DPP6: variants seen among roughly 807,000 people sequenced by gnomAD.
DPP6 encodes dipeptidyl peptidase like 6, also known as A-type potassium channel modulatory protein DPP6.
DPP6 carries 69 observed loss-of-function variants against 122.6 expected under a neutral mutation model. The ratio of observed to expected loss-of-function variants is 0.56; its 90% CI spans 0.46 to 0.69. The LOEUF (loss-of-function observed/expected upper bound fraction) is 0.69. DPP6 is among the 30% of genes least tolerant of loss of function. The pLI, the probability that DPP6 is intolerant of heterozygous loss-of-function variation, is 0.00. For synonymous variants in DPP6, 418 were observed against 433.1 expected (o/e 0.97, Z 0.43); for missense variants, 928 against 1,116.9 (o/e 0.83, Z 2.41).
chr7:153,804,797 T>C, the DPP6 span, among the ~76,000 whole-genome samples: 1 of 151,934 alleles, frequency 6.6e-6, no homozygotes, highest in Admixed American at 6.6e-5. Context: ...GGCAGGAGAA[T>C]TGCTTGAACC....
chr7:154,462,089 T>C (rs888962427), intron 2 of DPP6, among the ~76,000 whole-genome samples: 3 of 152,174 alleles, frequency 2.0e-5, no homozygotes, highest in African/African-American at 7.2e-5. Context: ...GGATATCCAG[T>C]TTTCCCTTCA....
intron 3 of DPP6, among the ~76,000 whole-genome samples, chr7:154,507,191 CAG>C (rs2129723777): frequency 6.6e-6 from 1 of 152,130 alleles, no homozygotes; most frequent in South Asian, 2.1e-4. Flanking sequence ...TGTGGAATGA[CAG>C]AGAAGTTTTG....
chr7:154,098,409 G>A (rs1367952156), intron 1 of DPP6, among the ~76,000 whole-genome samples: 2 of 152,122 alleles, frequency 1.3e-5, no homozygotes, highest in African/African-American at 2.4e-5. Context: ...TGTGAGAATG[G>A]ACTAATACAG....
At chr7:154,452,137 C>T (rs899514581) in intron 2 of DPP6, among the ~76,000 whole-genome samples, 1 of 152,214 alleles carries the variant, frequency 6.6e-6, no homozygotes, top group African/African-American at 2.4e-5. Flanking sequence ...CGGCTAGGAG[C>T]TGAGAACTCC....
At chr7:154,025,222 A>G (rs2129053156) in intron 1 of DPP6, among the ~76,000 whole-genome samples, 1 of 149,900 alleles carries the variant, frequency 6.7e-6, no homozygotes, top group Middle Eastern at 3.4e-3. Flanking sequence ...TGAGAGGTGG[A>G]GTCAGTTCAG....
In DPP6 at chr7:154,893,278, G is replaced by A. The variant is rs1260211707; in HGVS notation, c.*798G>A. On this transcript the variant is annotated 3_prime_UTR_variant, in exon 26 of 26. Transcript: ENST00000377770. The stretch of plus-strand genomic sequence containing the variant: ...CGTCTTGGGGACGTTCCTAAACACT[G>A]AGGGGGAAGACAGCCAATAGCACCC... 4 of 247,342 alleles carry A rather than the reference G, an allele frequency of 1.6e-5. No homozygotes were observed. The highest frequency in any genetic ancestry group is 3.2e-5 in the Non-Finnish European group (4 of 124,498). 15.3% of individuals were successfully genotyped at this position (247,342 alleles called of 1,614,324 possible).
At chr7:153,770,883 TA>T in the DPP6 span, among the ~76,000 whole-genome samples, 1 of 152,064 alleles carries the variant, frequency 6.6e-6, no homozygotes, top group African/African-American at 2.4e-5. Context: ...TTAATAAATA[TA>T]AAGATGGATT....
intron 7 of DPP6, among the ~76,000 whole-genome samples, chr7:154,697,263 T>C (rs1242969789): frequency 6.6e-6 from 1 of 152,174 alleles, no homozygotes; most frequent in Admixed American, 6.5e-5. Context: ...GCAGCCTCCC[T>C]TTAAGGAGGC....
intron 1 of DPP6, among the ~76,000 whole-genome samples, chr7:154,297,069 TTTTTTTTG>T (rs1805585735): frequency 7.2e-6 from 1 of 138,126 alleles, no homozygotes; most frequent in Non-Finnish European, 1.5e-5. Flanking sequence ...TTCTGTTTTT[TTTTTTTTG>T]TTTTGTTTTT....
rs766432300 is a variant in DPP6, at chr7:154,872,634, G to A, written c.1824G>A (p.Met608Ile). The A allele has an allele frequency of 6.2e-7, 1 of 1,601,370 alleles. No individual in the cohort carries two copies. Among genetic ancestry groups the A allele is most frequent in the Non-Finnish European group, 8.5e-7 (1 of 1,174,192 alleles). ...DIEIDDYNLP[M>I]QILKPATFTD... Reference sequence around the variant, plus strand: ...TCTGCTTCTCCCCAGACCTGCCCATGCAGATACTGAAGCCAGCAACCTTCA... The same window carrying A: ...TCTGCTTCTCCCCAGACCTGCCCATACAGATACTGAAGCCAGCAACCTTCA... The change falls in exon 19 of 26, where the codon ATG becomes ATA. Residue 608 changes from methionine to isoleucine, a missense_variant. Physicochemically the swap from Met to Ile is conservative, Grantham distance 10 (BLOSUM62 1). Transcript: ENST00000377770.
intron 18 of DPP6, among the ~76,000 whole-genome samples, chr7:154,870,830 G>C (rs941981362): frequency 6.6e-6 from 1 of 152,010 alleles, no homozygotes; most frequent in African/African-American, 2.4e-5. Context: ...GGGTGTGGTG[G>C]TGCACACTTG....
At chr7:154,561,172 C>T (rs1830401636) in intron 4 of DPP6, among the ~76,000 whole-genome samples, 1 of 152,170 alleles carries the variant, frequency 6.6e-6, no homozygotes. Context: ...TCCCAACAAT[C>T]CTCTCTGAGT....
intron 1 of DPP6, among the ~76,000 whole-genome samples, chr7:154,035,127 C>T (rs2533787): frequency 8.0e-4 from 122 of 152,330 alleles, no homozygotes; most frequent in Non-Finnish European, 1.4e-3. Flanking sequence ...CCCTAAGCTC[C>T]GCTTTCTGAG....
At chr7:154,130,929 A>G (rs1795243698) in intron 1 of DPP6, among the ~76,000 whole-genome samples, 1 of 152,148 alleles carries the variant, frequency 6.6e-6, no homozygotes. Flanking sequence ...TCAGAAACAC[A>G]TTGCTCATAG....
In DPP6 at chr7:153,941,680, G is replaced by A. The variant is rs80107840; in HGVS notation, c.51+53946G>A. Among the ~76,000 whole-genome samples the A allele has an allele frequency of 2.2e-4, 34 of 152,272 alleles. No individual in the cohort carries two copies. The East Asian group carries it at 5.8e-3, about 26-fold the overall frequency. On this transcript the variant is annotated intron_variant, in intron 1 of 25. Transcript: ENST00000404039. ...GCAGCTCTGAGTCTTTTTCAGAAACGGGAATTCAAAGGATAAGGTTTTAAA... is the reference window on the plus strand; with the variant it reads ...GCAGCTCTGAGTCTTTTTCAGAAACAGGAATTCAAAGGATAAGGTTTTAAA...
At chr7:153,995,431 A>C (rs1241237129) in intron 1 of DPP6, among the ~76,000 whole-genome samples, 1 of 152,014 alleles carries the variant, frequency 6.6e-6, no homozygotes, top group African/African-American at 2.4e-5. Flanking sequence ...CTAAAAATAC[A>C]AAAAATTAGC....
intron 3 of DPP6, among the ~76,000 whole-genome samples, chr7:154,518,867 G>A (rs1826747631): frequency 6.6e-6 from 1 of 152,012 alleles, no homozygotes; most frequent in Non-Finnish European, 1.5e-5. Flanking sequence ...GAGTATCAAG[G>A]CACAGAAAAG....
chr7:153,912,368 G>A (rs2129003587), intron 1 of DPP6, among the ~76,000 whole-genome samples: 1 of 152,318 alleles, frequency 6.6e-6, no homozygotes, highest in Non-Finnish European at 1.5e-5. Context: ...AGAACCCAGG[G>A]AGCGAGAGCT....
chr7:154,773,777 A>G (rs184166494), intron 10 of DPP6, among the ~76,000 whole-genome samples: 134 of 152,286 alleles, frequency 8.8e-4, no homozygotes, highest in African/African-American at 3.2e-3. Flanking sequence ...TATTCCATTC[A>G]AAGCTCCATA....
Sources: allele counts gnomAD v4.1 joint callset (sites outside exome capture counted in the v4.1 genomes callset), GRCh38; gene constraint gnomAD v4.1.1; transcripts MANE v1.5; gene names NCBI Gene and HGNC (gene_info 2026-07-23, HGNC 2026-07-21).